PCDHGA4: variants seen among roughly 807,000 people sequenced by gnomAD.
PCDHGA4 encodes protocadherin gamma subfamily A, 4.
In PCDHGA4, 38 loss-of-function variants were observed where a neutral mutation model predicts 54.6. That is an observed-to-expected ratio of 0.70 (90% CI 0.54 to 0.91). The LOEUF is 0.91. Among genes scored for constraint, PCDHGA4 ranks in the 40% least tolerant of loss-of-function variants. PCDHGA4 has a pLI of 0.00. For missense variants in PCDHGA4, 1,298 were observed against 1,220.9 expected, an observed-to-expected ratio of 1.06 and a Z score of -0.94; for synonymous variants, 511 against 512.9, an observed-to-expected ratio of 1.00 and a Z score of 0.05.
chr5:141,413,967 G>C, intron 1 of PCDHGA4: 15 of 1,613,428 alleles, frequency 9.3e-6, no homozygotes, highest in Non-Finnish European at 1.2e-5. Context: ...TGGGCACTCA[G>C]CTGCTGACAG....
chr5:141,469,711 T>C (rs894622720), intron 1 of PCDHGA4, among the ~76,000 whole-genome samples: 13 of 152,372 alleles, frequency 8.5e-5, no homozygotes, highest in African/African-American at 2.4e-4. Flanking sequence ...AATCACACTA[T>C]TAGGAATTTA....
intron 1 of PCDHGA4, among the ~76,000 whole-genome samples, chr5:141,459,804 C>G (rs2098975712): frequency 6.6e-6 from 1 of 152,192 alleles, no homozygotes; most frequent in Non-Finnish European, 1.5e-5. Context: ...TCCCTGTTGA[C>G]TAGAGACACT....
intron 1 of PCDHGA4, among the ~76,000 whole-genome samples, chr5:141,460,478 A>G (rs989135238): frequency 6.6e-5 from 10 of 152,136 alleles, no homozygotes; most frequent in African/African-American, 2.4e-4. Context: ...GGAATATCCA[A>G]TTGTCTCTTT....
At position 141,487,116 on chromosome 5, in the gene PCDHGA4, A is replaced by G. The variant is rs749256818; in HGVS notation, c.2515-7691A>G. On this transcript the variant is annotated intron_variant, in intron 1 of 3. Transcript: ENST00000571252. This position sits in a 1 kb window ranked among gnomAD's most constrained non-coding sequence, Gnocchi z 5.0. ...CCACAGAAGCTGGTCATTGTGGTAA[A>G]GGATAGTGGTAGTCCACCACTCTCT... The G allele has an allele frequency of 3.1e-6, 5 of 1,614,022 alleles. No individual in the cohort carries two copies.
chr5:141,374,519 G>C (rs769907625), intron 1 of PCDHGA4: 94 of 1,612,334 alleles, frequency 5.8e-5, no homozygotes, highest in Non-Finnish European at 7.8e-5. Flanking sequence ...TCTCGAAAAC[G>C]CAGCTCCATC....
Position 141,500,251 on chromosome 5 carries a change from C to T in PCDHGA4, c.2574-5142C>T, listed in dbSNP as rs187199142. Among the ~76,000 whole-genome samples, 1,493 of 151,438 alleles carry T rather than the reference C, an allele frequency of 9.9e-3. 32 individuals are homozygous for T. Among genetic ancestry groups the T allele is most frequent in the African/African-American group, 0.035 (1,426 of 41,214 alleles). Reference sequence around the variant, plus strand: ...TGATACGTAGCCTTGCTCTGTCACCCAGGCTGGACTGCAGTGGCGCAATCT... The same window carrying T: ...TGATACGTAGCCTTGCTCTGTCACCTAGGCTGGACTGCAGTGGCGCAATCT... On this transcript the variant is annotated intron_variant, in intron 2 of 3. Coordinates refer to ENST00000571252, the MANE Select transcript of PCDHGA4 (RefSeq NM_018917.4).
intron 1 of PCDHGA4, chr5:141,427,758 A>T: frequency 7.4e-7 from 1 of 1,345,378 alleles, no homozygotes; most frequent in Non-Finnish European, 1.1e-6. Context: ...CATCGTTACC[A>T]CTGACTTGGA....
intron 1 of PCDHGA4, among the ~76,000 whole-genome samples, chr5:141,450,639 A>T (rs1390959433): frequency 6.6e-6 from 1 of 151,390 alleles, no homozygotes; most frequent in Non-Finnish European, 1.5e-5. Flanking sequence ...GATGCCTGCC[A>T]CCATGCCTGG....
intron 1 of PCDHGA4, among the ~76,000 whole-genome samples, chr5:141,448,772 G>C (rs1034550563): frequency 1.5e-4 from 22 of 151,272 alleles, no homozygotes; most frequent in African/African-American, 3.7e-4. Context: ...AACCCCGTCT[G>C]TACTAAAAAT....
At chr5:141,430,883 G>T in intron 1 of PCDHGA4, 1 of 1,601,036 alleles carries the variant, frequency 6.2e-7, no homozygotes, top group Non-Finnish European at 8.5e-7. Context: ...GCTGGAGAAA[G>T]GCTCTAGGGT....
At chr5:141,417,699 C>A (rs2096148616) in intron 1 of PCDHGA4, 1 of 1,164,548 alleles carries the variant, frequency 8.6e-7, no homozygotes, top group Non-Finnish European at 1.2e-6. Context: ...AACCAGCTCC[C>A]ACACAGAGGC....
At chr5:141,370,490 G>T (rs780342479) in intron 1 of PCDHGA4, 6 of 1,613,894 alleles carry the variant, frequency 3.7e-6, no homozygotes, top group Non-Finnish European at 5.1e-6. Context: ...TCTCCGAACC[G>T]ATCCGCTACG....
chr5:141,489,944 T>A lies in PCDHGA4; in HGVS notation c.2515-4863T>A. On this transcript the variant is annotated intron_variant, in intron 1 of 3. Coordinates refer to ENST00000571252, the MANE Select transcript of PCDHGA4 (RefSeq NM_018917.4). The surrounding 1 kb of genome is among the most constrained non-coding windows in gnomAD (Gnocchi z 4.5). ...CTTATCTCTGTCATCGTGCTGGACA[T>A]CAATGATAATGCTCCAACCTTCCAA... 1 of 1,614,172 alleles carries A rather than the reference T, an allele frequency of 6.2e-7. No individual in the cohort carries two copies. The highest frequency in any genetic ancestry group is 8.5e-7 in the Non-Finnish European group (1 of 1,180,010).
At chr5:141,425,253 A>G (rs1019069029) in intron 1 of PCDHGA4, among the ~76,000 whole-genome samples, 12 of 152,196 alleles carry the variant, frequency 7.9e-5, no homozygotes, top group Non-Finnish European at 1.5e-4. Context: ...GATATGAGGT[A>G]TTTGGCTGGG....
intron 1 of PCDHGA4, chr5:141,398,850 A>T (rs2093714845): frequency 6.2e-7 from 1 of 1,613,864 alleles, no homozygotes; most frequent in East Asian, 2.2e-5. Context: ...ATCCCCCGGT[A>T]TTCAACCGAG....
intron 1 of PCDHGA4, chr5:141,393,901 G>T: frequency 6.2e-7 from 1 of 1,613,894 alleles, no homozygotes; most frequent in Non-Finnish European, 8.5e-7. Context: ...TCTCTTCCCG[G>T]GACAGTAATT....
At chr5:141,375,183 C>T (rs773640182) in intron 1 of PCDHGA4, 12 of 1,613,848 alleles carry the variant, frequency 7.4e-6, no homozygotes, top group Admixed American at 1.7e-5. Flanking sequence ...ACAGTAATCG[C>T]CCTTTTTCAA....
intron 1 of PCDHGA4, chr5:141,478,023 A>G (rs2099428714): frequency 6.2e-7 from 1 of 1,614,112 alleles, no homozygotes; most frequent in South Asian, 1.1e-5. Flanking sequence ...CCAGTCCAAG[A>G]CACAGATTCA....
At chr5:141,439,445 G>A (rs1030957687) in intron 1 of PCDHGA4, among the ~76,000 whole-genome samples, 5 of 152,102 alleles carry the variant, frequency 3.3e-5, no homozygotes, top group African/African-American at 4.8e-5. Flanking sequence ...ATTTTATTGC[G>A]GGAGCAAGAC....
Sources: allele counts gnomAD v4.1 joint callset (sites outside exome capture counted in the v4.1 genomes callset), GRCh38; gene constraint gnomAD v4.1.1; non-coding constraint Gnocchi (gnomAD v3.1); transcripts MANE v1.5; gene names NCBI Gene and HGNC (gene_info 2026-07-23, HGNC 2026-07-21).